MYO3B: variants seen among roughly 807,000 people sequenced by gnomAD.
MYO3B encodes myosin-IIIb.
In MYO3B, 156 loss-of-function variants were observed where a neutral mutation model predicts 174.6. That is an observed-to-expected ratio of 0.89 (90% confidence interval 0.78 to 1.02). MYO3B has a LOEUF of 1.02. Among genes scored for constraint, MYO3B ranks in the 50% least tolerant of loss-of-function variants. The pLI, the probability that MYO3B is intolerant of heterozygous loss-of-function variation, is 0.00. For synonymous variants in MYO3B, 563 were observed against 569.1 expected (o/e 0.99, Z 0.15); for missense variants, 1,632 against 1,639.4 (o/e 1.00, Z 0.08).
chr2:170,538,459 T>C (rs1210954422), intron 30 of MYO3B, among the ~76,000 whole-genome samples: 1 of 152,224 alleles, frequency 6.6e-6, no homozygotes, highest in Non-Finnish European at 1.5e-5. Flanking sequence ...CCATGGTGAC[T>C]TCACCTAGTG....
intron 1 of MYO3B, among the ~76,000 whole-genome samples, chr2:170,182,024 CT>C (rs1185337860): frequency 6.6e-6 from 1 of 151,912 alleles, no homozygotes; most frequent in Non-Finnish European, 1.5e-5. Context: ...GAGTCTTTTT[CT>C]TTTTTATTGT....
intron 7 of MYO3B, among the ~76,000 whole-genome samples, chr2:170,237,144 C>A (rs1357657663): frequency 6.6e-6 from 1 of 152,140 alleles, no homozygotes; most frequent in Non-Finnish European, 1.5e-5. Flanking sequence ...AAAAACAGGT[C>A]ACAGCGATTA....
chr2:170,439,842 G>A (rs1296930227), intron 22 of MYO3B, among the ~76,000 whole-genome samples: 6 of 151,990 alleles, frequency 3.9e-5, no homozygotes, highest in East Asian at 1.9e-4. Flanking sequence ...CACCACGCCC[G>A]GCTAATTTTT....
intron 32 of MYO3B, among the ~76,000 whole-genome samples, chr2:170,651,363 A>G (rs952320956): frequency 6.6e-6 from 1 of 152,196 alleles, no homozygotes; most frequent in African/African-American, 2.4e-5. Context: ...CCAATGTGGA[A>G]ACAACAACTT....
intron 32 of MYO3B, among the ~76,000 whole-genome samples, chr2:170,560,494 C>G (rs922405919): frequency 6.6e-6 from 1 of 152,190 alleles, no homozygotes; most frequent in Non-Finnish European, 1.5e-5. Context: ...TACGTGAAGA[C>G]TCAGTGTTCC....
intron 14 of MYO3B, among the ~76,000 whole-genome samples, chr2:170,390,555 A>G (rs2094404945): frequency 6.6e-6 from 1 of 152,234 alleles, no homozygotes; most frequent in Non-Finnish European, 1.5e-5. Flanking sequence ...AAGGAAGATG[A>G]GGAGACCCAG....
Position 170,555,308 on chromosome 2 carries a change from T to A in MYO3B, c.3733+11320T>A, listed in dbSNP as rs114242394. On this transcript the variant is annotated intron_variant, in intron 32 of 34. Transcript: ENST00000408978. ...TATTATTACATTAGAGTTCACTGTT[T>A]GTGCTGTACGTTCTGTGAGCTTTGA... Among the ~76,000 whole-genome samples, 1,244 of 152,294 alleles carry A rather than the reference T, an allele frequency of 8.2e-3. 16 individuals carry two copies. Among genetic ancestry groups the A allele is most frequent in the African/African-American group, 0.028 (1,181 of 41,556 alleles).
chr2:170,332,291 AAG>A (rs2093917324), intron 7 of MYO3B: 1 of 152,174 alleles, frequency 6.6e-6, no homozygotes, highest in Non-Finnish European at 1.5e-5. Context: ...AAAGGCAGAC[AAG>A]AAATCAAGGC....
intron 6 of MYO3B, among the ~76,000 whole-genome samples, chr2:170,223,918 T>C (rs1198964942): frequency 6.6e-6 from 1 of 152,224 alleles, no homozygotes; most frequent in Non-Finnish European, 1.5e-5. Context: ...ATTAAACTAT[T>C]CATTCTGGAT....
At chr2:170,232,326 T>G (rs2105288591) in intron 6 of MYO3B, among the ~76,000 whole-genome samples, 1 of 152,350 alleles carries the variant, frequency 6.6e-6, no homozygotes, top group South Asian at 2.1e-4. Flanking sequence ...TTCCAGGATG[T>G]TGACCTTCAG....
intron 16 of MYO3B, among the ~76,000 whole-genome samples, chr2:170,399,102 C>T (rs1233076453): frequency 6.6e-6 from 1 of 151,776 alleles, no homozygotes; most frequent in East Asian, 1.9e-4. Flanking sequence ...ATTGGCCGGG[C>T]GTGGTAGTGC....
At chr2:170,285,467 T>A (rs1392227784) in intron 7 of MYO3B, among the ~76,000 whole-genome samples, 1 of 152,044 alleles carries the variant, frequency 6.6e-6, no homozygotes, top group African/African-American at 2.4e-5. Flanking sequence ...TTCAAGTGAT[T>A]CTCCTGCCTC....
intron 7 of MYO3B, among the ~76,000 whole-genome samples, chr2:170,332,736 G>A (rs1000208969): frequency 2.6e-5 from 4 of 152,120 alleles, no homozygotes; most frequent in African/African-American, 9.7e-5. Context: ...ATAGAGGGTT[G>A]GTGGTGACCT....
intron 22 of MYO3B, among the ~76,000 whole-genome samples, chr2:170,438,828 T>C (rs1048741734): frequency 2.6e-4 from 39 of 151,722 alleles, no homozygotes; most frequent in Non-Finnish European, 4.4e-4. Context: ...AGAGACAGGG[T>C]TTCACCATAT....
chr2:170,404,629 GATTAGC>G (rs2094498921), intron 20 of MYO3B, among the ~76,000 whole-genome samples: 1 of 152,116 alleles, frequency 6.6e-6, no homozygotes, highest in Admixed American at 6.6e-5. Context: ...TTGCCAACAT[GATTAGC>G]ATTACCCCCA....
intron 7 of MYO3B, among the ~76,000 whole-genome samples, chr2:170,246,657 G>A (rs1022383618): frequency 6.6e-6 from 1 of 152,058 alleles, no homozygotes; most frequent in African/African-American, 2.4e-5. Context: ...GAGGGAGCAT[G>A]GCCCTACCAA....
At chr2:170,425,273 G>A (rs1295701141) in intron 22 of MYO3B, among the ~76,000 whole-genome samples, 10 of 152,160 alleles carry the variant, frequency 6.6e-5, no homozygotes, top group African/African-American at 2.4e-4. Flanking sequence ...CTAACAGTCT[G>A]GTCCATATGT....
At chr2:170,565,766 T>A (rs1409454488) in intron 32 of MYO3B, among the ~76,000 whole-genome samples, 1 of 152,164 alleles carries the variant, frequency 6.6e-6, no homozygotes, top group Non-Finnish European at 1.5e-5. Context: ...CCTTAAAAAG[T>A]CTGCAGGGGG....
At chr2:170,454,724 G>A (rs1004490389) in intron 23 of MYO3B, among the ~76,000 whole-genome samples, 1 of 152,192 alleles carries the variant, frequency 6.6e-6, no homozygotes, top group South Asian at 2.1e-4. Flanking sequence ...TGCCTAGACA[G>A]AGCCAATTGA....
Sources: gnomAD v4.1 joint callset for allele counts (sites outside exome capture counted in the v4.1 genomes callset) on GRCh38, gnomAD v4.1.1 for gene constraint, MANE v1.5 for transcripts, NCBI Gene and HGNC (gene_info 2026-07-23, HGNC 2026-07-21) for gene names.